The following TNNI3K variants were observed in gnomAD, a reference collection of about 807,000 sequenced individuals.
The protein encoded by TNNI3K is serine/threonine-protein kinase TNNI3K.
In TNNI3K, 140 loss-of-function variants were observed where a neutral mutation model predicts 114.5. The observed-to-expected ratio is 1.22, with a 90% confidence interval of 1.07 to 1.41. The LOEUF (loss-of-function observed/expected upper bound fraction) is 1.41, where lower values mean the gene tolerates loss of function less well. TNNI3K is among the 40% of genes most tolerant of loss of function. The pLI, the probability that TNNI3K is intolerant of heterozygous loss-of-function variation, is 0.00. For missense variants in TNNI3K, 1,125 were observed against 1,007.6 expected (o/e 1.12, Z -1.58); for synonymous variants, 347 against 347.5 (o/e 1.00, Z 0.02).
In TNNI3K at chr1:74,369,089, T is replaced by G. The variant is rs779108329; in HGVS notation, c.1389T>G (p.Ile463Met). The G allele has an allele frequency of 8.7e-6, 14 of 1,610,360 alleles. No homozygotes were observed. The highest frequency in any genetic ancestry group is 1.2e-5 in the Non-Finnish European group (14 of 1,178,376). The change falls in exon 14 of 25, where the codon ATT becomes ATG. Residue 463 changes from isoleucine to methionine, a missense_variant. Coordinates refer to ENST00000326637, the MANE Select transcript of TNNI3K (RefSeq NM_015978.3). ...PSHFHLQLSE[I>M]EFHEIIGSGS... ...ATTTCCATCTTCAGCTCTCAGAAAT[T>G]GAGTTCCATGAGATTATTGGCTCAG...
chr1:74,344,066 G>A (rs915550765), intron 9 of TNNI3K, among the ~76,000 whole-genome samples: 2 of 152,070 alleles, frequency 1.3e-5, no homozygotes, highest in South Asian at 2.1e-4. Flanking sequence ...TAATGTTTTT[G>A]TATTGCATTG....
chr1:74,349,114 T>G (rs542340838), intron 9 of TNNI3K, among the ~76,000 whole-genome samples: 1 of 152,344 alleles, frequency 6.6e-6, no homozygotes, highest in African/African-American at 2.4e-5. Flanking sequence ...GCCCATTCAG[T>G]ATGATATTGG....
At position 74,336,083 on chromosome 1, in the gene TNNI3K, C is replaced by T. The variant is rs1443891237; in HGVS notation, c.616C>T (p.Leu206=). 6.2e-7 allele frequency: 1 copy of T among 1,602,632 alleles called. No homozygotes were observed. Among genetic ancestry groups the T allele is most frequent in the Non-Finnish European group, 8.5e-7 (1 of 1,176,732 alleles). ...SGEVGDRPLH[L]ASAKGFLNIA... ...TGAAGTTGGAGATAGACCCCTCCACCTAGCATCTGCAAAAGGATTCTTGAA... is the reference window on the plus strand; with the variant it reads ...TGAAGTTGGAGATAGACCCCTCCACTTAGCATCTGCAAAAGGATTCTTGAA... The change falls in exon 7 of 25, where the codon CTA becomes TTA. Residue 206 remains leucine (L), a synonymous_variant. Transcript: ENST00000326637.
In TNNI3K at chr1:74,475,582, A is replaced by T. The variant is rs45557838; in HGVS notation, c.2121+12032A>T. 2,792 of 717,370 alleles carry T rather than the reference A, an allele frequency of 3.9e-3. 27 individuals carry two copies. The highest frequency in any genetic ancestry group is 0.029 in the African/African-American group (1,658 of 57,318). The allele number at this position is 717,370 out of a possible 1,614,324, so 44.4% of individuals were successfully genotyped here. A position where few individuals can be genotyped will look rare whatever the true frequency, so the allele number is the denominator to read the frequency against. The stretch of plus-strand genomic sequence containing the variant: ...TGCTTGATGGCTATTTTCCTGTAAA[A>T]GTGGCATTTCTTTTCTGGACCCCAC... On this transcript the variant is annotated intron_variant, in intron 21 of 24. Transcript: ENST00000326637.
intron 23 of TNNI3K, among the ~76,000 whole-genome samples, chr1:74,516,173 T>C (rs1220487315): frequency 6.6e-6 from 1 of 152,192 alleles, no homozygotes; most frequent in Non-Finnish European, 1.5e-5. Flanking sequence ...TTTTTAAAAA[T>C]ATGGTCATTT....
chr1:74,492,453 G>A (rs993175216), intron 23 of TNNI3K, among the ~76,000 whole-genome samples, 187 bp downstream of exon 23: 1 of 152,066 alleles, frequency 6.6e-6, no homozygotes, highest in African/African-American at 2.4e-5. Context: ...GTTAGCCTAG[G>A]TCCTCTAGTT....
At chr1:74,370,905 C>T (rs544010395) in intron 17 of TNNI3K, 7 of 151,970 alleles carry the variant, frequency 4.6e-5, no homozygotes, top group African/African-American at 1.4e-4. Flanking sequence ...GACCTCAAAA[C>T]TTTTCCTAAA....
intron 5 of TNNI3K, among the ~76,000 whole-genome samples, chr1:74,330,612 CAT>C (rs1203442192): frequency 6.6e-6 from 1 of 152,154 alleles, no homozygotes; most frequent in African/African-American, 2.4e-5. Context: ...GTGCAATACA[CAT>C]GTTAATAAAC....
At chr1:74,327,712 TTAA>T (rs1269653648) in intron 5 of TNNI3K, among the ~76,000 whole-genome samples, 6 of 146,960 alleles carry the variant, frequency 4.1e-5, no homozygotes, top group Middle Eastern at 5.0e-3. Context: ...TTCTATACAT[TTAA>T]TAATATTAAA....
intron 4 of TNNI3K, among the ~76,000 whole-genome samples, chr1:74,263,746 G>A (rs896131147): frequency 1.3e-5 from 2 of 151,860 alleles, no homozygotes; most frequent in African/African-American, 2.4e-5. Flanking sequence ...GATCAGGAAG[G>A]TTTCTGAAAC....
rs188217702 is a variant in TNNI3K at position 74,266,430 on chromosome 1, G to A, written c.334-5168G>A. ...AAGCTGTGTGGTCTTCTATGTCCTA[G>A]CCTTAGAAAAGAAACACTCTGCTCC... On this transcript the variant is annotated intron_variant, in intron 4 of 24. Coordinates refer to ENST00000326637, the MANE Select transcript of TNNI3K (RefSeq NM_015978.3). Among the ~76,000 whole-genome samples, 17 of 152,010 alleles carry A rather than the reference G, an allele frequency of 1.1e-4. No individual in the cohort carries two copies. In the East Asian group the frequency reaches 3.1e-3, roughly 28 times the overall value.
intron 17 of TNNI3K, among the ~76,000 whole-genome samples, chr1:74,428,179 C>G (rs78054465): frequency 0.021 from 3,148 of 152,120 alleles, 107 homozygotes; most frequent in African/African-American, 0.07. Context: ...TGAAATTAGG[C>G]TTTCCATGTT....
intron 23 of TNNI3K, among the ~76,000 whole-genome samples, chr1:74,505,175 A>C (rs546494839): frequency 2.0e-5 from 3 of 152,312 alleles, no homozygotes; most frequent in Middle Eastern, 3.4e-3. Context: ...GTGTGTGTAC[A>C]ACTGAAAGTA....
chr1:74,252,965 CTGGTCCATTTTACAGAGAGCTGAT>C (rs1455211355), intron 4 of TNNI3K, among the ~76,000 whole-genome samples: 35 of 152,292 alleles, frequency 2.3e-4, no homozygotes, highest in Non-Finnish European at 3.4e-4. Flanking sequence ...ATCCTGCTGA[CTGGTCCATTTTACAGAGAGCTGAT>C]TGGTCCGTTT....
At chr1:74,360,501 C>A (rs1209329844) in intron 11 of TNNI3K, among the ~76,000 whole-genome samples, 1 of 152,056 alleles carries the variant, frequency 6.6e-6, no homozygotes, top group African/African-American at 2.4e-5. Flanking sequence ...TATATTAACT[C>A]ATCAAATCCA....
intron 9 of TNNI3K, among the ~76,000 whole-genome samples, chr1:74,347,520 A>G (rs1266397635): frequency 6.6e-6 from 1 of 152,136 alleles, no homozygotes; most frequent in Non-Finnish European, 1.5e-5. Context: ...ATACCCAGTA[A>G]TGGGATGGCT....
At chr1:74,322,476 T>G (rs1479574028) in intron 5 of TNNI3K, among the ~76,000 whole-genome samples, 1 of 151,346 alleles carries the variant, frequency 6.6e-6, no homozygotes, top group Non-Finnish European at 1.5e-5. Flanking sequence ...TTTTTTTTTT[T>G]TTGTCATGGA....
chr1:74,428,511 C>T (rs1665740873), intron 17 of TNNI3K, among the ~76,000 whole-genome samples: 1 of 151,986 alleles, frequency 6.6e-6, no homozygotes, highest in African/African-American at 2.4e-5. Flanking sequence ...GAGGGGAGTG[C>T]CCTGATAAAA....
intron 5 of TNNI3K, among the ~76,000 whole-genome samples, chr1:74,299,088 G>A (rs377174581): frequency 6.6e-5 from 10 of 152,110 alleles, no homozygotes; most frequent in African/African-American, 2.4e-4. Context: ...GAAAGAGACA[G>A]AGTGAGGTTT....
Sources: allele counts gnomAD v4.1 joint callset (sites outside exome capture counted in the v4.1 genomes callset), GRCh38; gene constraint gnomAD v4.1.1; transcripts MANE v1.5; gene names NCBI Gene and HGNC (gene_info 2026-07-23, HGNC 2026-07-21).